CCNY: variants seen among roughly 807,000 people sequenced by gnomAD.
CCNY encodes the protein cyclin-Y.
CCNY carries 19 observed loss-of-function variants against 42.8 expected under a neutral mutation model. That is an observed-to-expected ratio of 0.44 (90% CI 0.31 to 0.65). The LOEUF (loss-of-function observed/expected upper bound fraction) is 0.65. Ranked by LOEUF, CCNY falls within the 30% of genes least tolerant of loss-of-function variation. The pLI is 0.07. For missense variants in CCNY, 370 were observed against 437.3 expected (o/e 0.85, Z 1.37); for synonymous variants, 165 against 162.7 (o/e 1.01, Z -0.11).
At chr10:35,492,844 A>T (rs1391166913) in intron 2 of CCNY, among the ~76,000 whole-genome samples, 1 of 152,190 alleles carries the variant, frequency 6.6e-6, no homozygotes. Flanking sequence ...AAAACGACAC[A>T]TCCATTATTT....
intron 7 of CCNY, among the ~76,000 whole-genome samples, chr10:35,535,876 C>T (rs1840876530): frequency 6.6e-6 from 1 of 152,114 alleles, no homozygotes. Flanking sequence ...TCTGCAGGGG[C>T]CCCTGGAACC....
chr10:35,417,323 A>C (rs1378666560), intron 1 of CCNY, among the ~76,000 whole-genome samples: 1 of 152,236 alleles, frequency 6.6e-6, no homozygotes, highest in African/African-American at 2.4e-5. Flanking sequence ...GCTGTGGAGC[A>C]GAGTGGCCCA....
chr10:35,432,469 CAT>C (rs1190791987), intron 1 of CCNY, among the ~76,000 whole-genome samples: 1 of 152,222 alleles, frequency 6.6e-6, no homozygotes, highest in Admixed American at 6.5e-5. Context: ...GTGAGACCTT[CAT>C]ATAATTTTCA....
At chr10:35,506,853 T>G (rs1275456884) in intron 3 of CCNY, among the ~76,000 whole-genome samples, 1 of 152,230 alleles carries the variant, frequency 6.6e-6, no homozygotes, top group Non-Finnish European at 1.5e-5. Context: ...TATCATCCCT[T>G]AATTAGCCAG....
At position 35,473,710 on chromosome 10, in the gene CCNY, T is replaced by A. The variant is rs529964064; in HGVS notation, c.155-9694T>A. Reference sequence around the variant, plus strand: ...GTATTTTGTCTATAATCTCTAATTTTAAGCTCAGTATTCCATTAATTTATT... The same window carrying A: ...GTATTTTGTCTATAATCTCTAATTTAAAGCTCAGTATTCCATTAATTTATT... On this transcript the variant is annotated intron_variant, in intron 1 of 9. Transcript: ENST00000374704. 3.2e-3 allele frequency among the ~76,000 whole-genome samples: 484 copies of A among 152,360 alleles called. 6 individuals are homozygous for A. Among genetic ancestry groups the A allele is most frequent in the African/African-American group, 0.011 (465 of 41,578 alleles).
chr10:35,448,556 T>G (rs759236491), intron 1 of CCNY, among the ~76,000 whole-genome samples: 17 of 152,152 alleles, frequency 1.1e-4, no homozygotes, highest in Non-Finnish European at 8.8e-5. Context: ...AGGACAGTGC[T>G]TATATAAAGG....
intron 3 of CCNY, among the ~76,000 whole-genome samples, chr10:35,261,943 C>T (rs1348835500): frequency 2.0e-5 from 3 of 151,866 alleles, no homozygotes; most frequent in African/African-American, 7.2e-5. Flanking sequence ...ATTACTTGAA[C>T]CAGGGAGGTG....
At chr10:35,299,044 C>A (rs1408027027) in intron 3 of CCNY, among the ~76,000 whole-genome samples, 1 of 152,176 alleles carries the variant, frequency 6.6e-6, no homozygotes, top group African/African-American at 2.4e-5. Flanking sequence ...CAACTGTTTT[C>A]AAAGTGATTG....
At chr10:35,311,149 C>T (rs916707790) in intron 3 of CCNY, among the ~76,000 whole-genome samples, 4 of 151,798 alleles carry the variant, frequency 2.6e-5, no homozygotes, top group Admixed American at 2.0e-4. Context: ...CCTGTCTCTA[C>T]AAAAGCAAAA....
At chr10:35,465,368 G>C (rs187412660) in intron 1 of CCNY, among the ~76,000 whole-genome samples, 1 of 152,084 alleles carries the variant, frequency 6.6e-6, no homozygotes, top group Non-Finnish European at 1.5e-5. Context: ...CAGTGAGGTC[G>C]TCACGTATAT....
chr10:35,473,740 T>C (rs1179067432), intron 1 of CCNY, among the ~76,000 whole-genome samples: 1 of 152,254 alleles, frequency 6.6e-6, no homozygotes. Flanking sequence ...TTTATTACTT[T>C]TAATTTTTGT....
At chr10:35,494,500 C>A (rs552497604) in intron 2 of CCNY, among the ~76,000 whole-genome samples, 2 of 152,162 alleles carry the variant, frequency 1.3e-5, no homozygotes, top group African/African-American at 4.8e-5. Flanking sequence ...CAATCATAAT[C>A]ATCTAGAAAT....
rs891470054 is a variant in CCNY at position 35,571,160 on chromosome 10, A to G, written c.*1990A>G. The G allele has an allele frequency of 2.0e-5, 3 of 152,252 alleles. No individual in the cohort carries two copies. The highest frequency in any genetic ancestry group is 2.9e-5 in the Non-Finnish European group (2 of 68,038). The allele number at this position is 152,252 out of a possible 1,614,324, so 9.4% of individuals were successfully genotyped here. On this transcript the variant is annotated 3_prime_UTR_variant, in exon 10 of 10. Coordinates refer to ENST00000374704, the MANE Select transcript of CCNY (RefSeq NM_145012.6). Reference sequence around the variant, plus strand: ...TAAATTAGTTCCTCTCCAGTGAAGTATCTTATTTTACCAATCCATTTCAGG... The same window carrying G: ...TAAATTAGTTCCTCTCCAGTGAAGTGTCTTATTTTACCAATCCATTTCAGG...
At chr10:35,461,237 A>G (rs1237278436) in intron 1 of CCNY, among the ~76,000 whole-genome samples, 1 of 152,196 alleles carries the variant, frequency 6.6e-6, no homozygotes, top group Admixed American at 6.5e-5. Context: ...ACTAAGGACC[A>G]TCTCGATAGG....
Position 35,569,193 on chromosome 10 carries a change from A to G in CCNY, c.*23A>G. 1.5e-6 allele frequency: 2 copies of G among 1,330,464 alleles called. No homozygotes were observed. The highest frequency in any genetic ancestry group is 2.2e-6 in the Non-Finnish European group (2 of 925,548). The allele number at this position is 1,330,464 out of a possible 1,614,324, so 82.4% of individuals were successfully genotyped here. A position where few individuals can be genotyped will look rare whatever the true frequency, so the allele number is the denominator to read the frequency against. On this transcript the variant is annotated 3_prime_UTR_variant, in exon 10 of 10. Coordinates refer to ENST00000374704, the MANE Select transcript of CCNY (RefSeq NM_145012.6). ...TAACTACGGAGGCCCGCCGGAGGCC[A>G]CACCATCCCTTAGTTTCTCCTTTAG...
chr10:35,362,467 C>T (rs1319081439), intron 1 of CCNY, among the ~76,000 whole-genome samples: 1 of 152,070 alleles, frequency 6.6e-6, no homozygotes, highest in Non-Finnish European at 1.5e-5. Flanking sequence ...TGGGTCTTGG[C>T]AACTGAATTT....
chr10:35,414,337 A>C (rs1055668501), intron 1 of CCNY, among the ~76,000 whole-genome samples: 3 of 152,228 alleles, frequency 2.0e-5, no homozygotes, highest in African/African-American at 7.2e-5. Flanking sequence ...CTTTCAAGTT[A>C]TGAGACTGAG....
At chr10:35,289,826 C>T (rs1835390991) in intron 3 of CCNY, among the ~76,000 whole-genome samples, 1 of 143,494 alleles carries the variant, frequency 7.0e-6, no homozygotes, top group African/African-American at 2.6e-5. Context: ...TTGCAGTGAG[C>T]TGAAATCACC....
chr10:35,400,120 T>C (rs983217865), intron 1 of CCNY, among the ~76,000 whole-genome samples: 7 of 152,186 alleles, frequency 4.6e-5, no homozygotes, highest in Non-Finnish European at 1.0e-4. Context: ...TGTGGATAGC[T>C]GTTCTGTATA....
Sources: allele counts gnomAD v4.1 joint callset (sites outside exome capture counted in the v4.1 genomes callset), GRCh38; gene constraint gnomAD v4.1.1; transcripts MANE v1.5; gene names NCBI Gene and HGNC (gene_info 2026-07-23, HGNC 2026-07-21).